IRAK2: variants seen among roughly 807,000 people sequenced by gnomAD.
IRAK2 encodes interleukin-1 receptor-associated kinase-like 2.
In IRAK2, 57 loss-of-function variants were observed where a neutral mutation model predicts 72.0. The observed-to-expected ratio is 0.79, with a 90% CI of 0.64 to 0.99. The LOEUF is 0.99. Among genes scored for constraint, IRAK2 ranks in the 50% least tolerant of loss-of-function variants. The pLI is 0.00. For missense variants in IRAK2, 790 were observed against 794.4 expected (o/e 0.99, Z 0.07); for synonymous variants, 293 against 312.7 (o/e 0.94, Z 0.67).
intron 2 of IRAK2, among the ~76,000 whole-genome samples, chr3:10,190,849 G>A (rs934121905): frequency 6.6e-6 from 1 of 152,158 alleles, no homozygotes; most frequent in Admixed American, 6.6e-5. Flanking sequence ...TCCAGTAAGG[G>A]TCATGCAGCC....
At position 10,200,534 on chromosome 3, in the gene IRAK2, T is replaced by A; in HGVS notation, c.424+19T>A. ...GGCCCAGGTATTTTAAATTTAACTT[T>A]TTTACTTAAAGCACTTTTATTTAAG... On this transcript the variant is annotated intron_variant, in intron 3 of 12. Transcript: ENST00000256458. 1 of 1,541,904 alleles carries A rather than the reference T, an allele frequency of 6.5e-7. No homozygotes were observed. The highest frequency in any genetic ancestry group is 1.2e-5 in the South Asian group (1 of 83,232).
At chr3:10,211,184 G>A (rs1217383561) in intron 4 of IRAK2, among the ~76,000 whole-genome samples, 6 of 151,108 alleles carry the variant, frequency 4.0e-5, no homozygotes, top group Non-Finnish European at 7.4e-5. Context: ...TTGAGACAAA[G>A]TCTCCCTCTG....
At chr3:10,206,479 T>C (rs901834945) in intron 3 of IRAK2, among the ~76,000 whole-genome samples, 3 of 152,222 alleles carry the variant, frequency 2.0e-5, no homozygotes, top group Non-Finnish European at 2.9e-5. Context: ...TCTCAGGTGA[T>C]TTCATGTTAT....
At chr3:10,241,271 T>TGTGGCCAGCCAGGC (rs1484781712) in intron 12 of IRAK2, among the ~76,000 whole-genome samples, 1 of 33,726 alleles carries the variant, frequency 3.0e-5, no homozygotes, top group African/African-American at 1.4e-4. Context: ...ATTAGCCAGG[T>TGTGGCCAGCCAGGC]GTGGCCAGCC....
chr3:10,196,068 C>G (rs1697259597), intron 2 of IRAK2, among the ~76,000 whole-genome samples: 1 of 152,200 alleles, frequency 6.6e-6, no homozygotes, highest in African/African-American at 2.4e-5. Flanking sequence ...TGAATCAGCA[C>G]TCACCCCGAC....
At chr3:10,233,968 T>C (rs1233988898) in intron 10 of IRAK2, among the ~76,000 whole-genome samples, 1 of 151,864 alleles carries the variant, frequency 6.6e-6, no homozygotes, top group East Asian at 1.9e-4. Flanking sequence ...GTTCAAGCAA[T>C]TCCTCTGCCT....
rs772242203 is a variant in IRAK2 at position 10,209,616 on chromosome 3, C to T, written c.452C>T (p.Pro151Leu). ...TCCTCTCCAGCCAGAGCCCACCAGC[C>T]GGCCTTTCTCCAGCCTCCTGAAGAA... The part of the protein sequence containing the change: ...PGSSPARAHQ[P>L]AFLQPPEEDA... Residue 151 changes from proline to leucine, a missense_variant, in exon 4 of 13, where the codon CCG becomes CTG. By Grantham distance (98) the Pro-to-Leu change is moderately conservative. Transcript: ENST00000256458. 38 of 1,567,286 alleles carry T rather than the reference C, an allele frequency of 2.4e-5. No homozygotes were observed. The highest frequency in any genetic ancestry group is 1.2e-4 in the Admixed American group (6 of 51,520).
intron 6 of IRAK2, among the ~76,000 whole-genome samples, chr3:10,214,391 CTTTTTTTTTTT>C (rs534445139): frequency 3.1e-5 from 3 of 95,410 alleles, no homozygotes; most frequent in Non-Finnish European, 6.0e-5. Context: ...TCATTTTTTG[CTTTTTTTTTTT>C]TTTTTTTTTG....
At chr3:10,205,886 G>C (rs952675098) in intron 3 of IRAK2, among the ~76,000 whole-genome samples, 1 of 152,170 alleles carries the variant, frequency 6.6e-6, no homozygotes, top group Non-Finnish European at 1.5e-5. Flanking sequence ...TGAGGGATGC[G>C]GGCCAAGGGT....
At chr3:10,220,205 C>G (rs904547413) in intron 8 of IRAK2, among the ~76,000 whole-genome samples, 3 of 152,142 alleles carry the variant, frequency 2.0e-5, no homozygotes, top group Admixed American at 6.6e-5. Context: ...TCTTGTGTAG[C>G]TGTTGGTGTT....
At position 10,164,940 on chromosome 3, in the gene IRAK2, G is replaced by A. The variant is rs532457605; in HGVS notation, c.-15G>A. 101 of 1,596,466 alleles carry A rather than the reference G, an allele frequency of 6.3e-5. No homozygotes were observed. The highest frequency in any genetic ancestry group is 7.9e-5 in the Non-Finnish European group (93 of 1,171,614). On this transcript the variant is annotated 5_prime_UTR_variant, in exon 1 of 13. Coordinates refer to ENST00000256458, the MANE Select transcript of IRAK2 (RefSeq NM_001570.4). ...ACCCAGTCGTCCCGCGCCGGAGCCG[G>A]CCCCGTAGCGTGCCATGGCCTGCTA...
intron 11 of IRAK2, among the ~76,000 whole-genome samples, chr3:10,237,757 A>C: frequency 6.7e-6 from 1 of 149,632 alleles, no homozygotes. Context: ...CAGTGAACCG[A>C]GATACGCCCC....
chr3:10,215,864 T>C (rs1326006660), intron 6 of IRAK2, among the ~76,000 whole-genome samples: 2 of 152,288 alleles, frequency 1.3e-5, no homozygotes, highest in Middle Eastern at 3.4e-3. Flanking sequence ...CGGCAGTCAC[T>C]CCTTCATTCA....
In IRAK2 at chr3:10,238,790, C is replaced by G; in HGVS notation, c.1516C>G (p.Arg506Gly). Residue 506 changes from arginine (R) to glycine (G), a missense_variant, in exon 12 of 13, where the codon CGG becomes GGG. Arg to Gly is a moderately radical substitution (Grantham distance 125). Coordinates refer to ENST00000256458, the MANE Select transcript of IRAK2 (RefSeq NM_001570.4). The part of the protein sequence containing the change: ...VAAVEERLRG[R>G]ETLLPWSGLS... ...TGCTGTGGAAGAGCGGCTCCGAGGT[C>G]GGGAGACGTTGCTCCCTTGGAGTGG... The G allele has an allele frequency of 6.2e-7, 1 of 1,614,014 alleles. No individual in the cohort carries two copies. Among genetic ancestry groups the G allele is most frequent in the Non-Finnish European group, 8.5e-7 (1 of 1,179,966 alleles).
rs189577414 is a variant in IRAK2, at chr3:10,211,723, G to T, written c.529-1484G>T. ...ACACTAACTTTAATAGCAGTTAAATGGATAATGGGGTTATGGATACTAATT... is the reference window on the plus strand; with the variant it reads ...ACACTAACTTTAATAGCAGTTAAATTGATAATGGGGTTATGGATACTAATT... On this transcript the variant is annotated intron_variant, in intron 4 of 12. Transcript: ENST00000256458. 1.7e-3 allele frequency among the ~76,000 whole-genome samples: 262 copies of T among 152,214 alleles called. 6 individuals are homozygous for T. In the South Asian group the frequency reaches 0.043, roughly 25 times the overall value.
chr3:10,172,312 A>G (rs1696806175), intron 1 of IRAK2, among the ~76,000 whole-genome samples: 1 of 151,916 alleles, frequency 6.6e-6, no homozygotes, highest in African/African-American at 2.4e-5. Context: ...GCTTGCAGTG[A>G]GCAGAGATCG....
intron 10 of IRAK2, 104 bp from the exon 11 acceptor site, chr3:10,234,355 G>A: frequency 3.3e-6 from 3 of 909,492 alleles, no homozygotes; most frequent in Non-Finnish European, 5.4e-6. Flanking sequence ...TGTCCGGTCG[G>A]TTTTCTGAGC....
intron 1 of IRAK2, among the ~76,000 whole-genome samples, chr3:10,166,679 C>T (rs1205585220): frequency 6.6e-6 from 1 of 152,182 alleles, no homozygotes; most frequent in Non-Finnish European, 1.5e-5. Context: ...CAGTCTCATT[C>T]TGTGGCCCAG....
rs1214118502 is a variant in IRAK2, at chr3:10,216,957, C to T, written c.812C>T (p.Pro271Leu). ...CLRCCHPNVL[P>L]VLGFCAARQF... Reference sequence around the variant, plus strand: ...AGATGCTGCCACCCCAATGTCTTACCTGTGCTGGGCTTCTGTGCTGCAAGA... The same window carrying T: ...AGATGCTGCCACCCCAATGTCTTACTTGTGCTGGGCTTCTGTGCTGCAAGA... The change falls in exon 7 of 13, where the codon CCT (proline) becomes CTT (leucine). Residue 271 changes from proline to leucine, a missense_variant. Coordinates refer to ENST00000256458, the MANE Select transcript of IRAK2 (RefSeq NM_001570.4). The T allele has an allele frequency of 6.2e-7, 1 of 1,614,116 alleles. No homozygotes were observed. Among genetic ancestry groups the T allele is most frequent in the Non-Finnish European group, 8.5e-7 (1 of 1,179,980 alleles).
Sources: allele counts gnomAD v4.1 joint callset (sites outside exome capture counted in the v4.1 genomes callset), GRCh38; gene constraint gnomAD v4.1.1; transcripts MANE v1.5; gene names NCBI Gene and HGNC (gene_info 2026-07-23, HGNC 2026-07-21).